The following PTPRT variants were observed in gnomAD, a reference collection of about 807,000 sequenced individuals.
The protein encoded by PTPRT is receptor-type tyrosine-protein phosphatase T.
PTPRT carries 56 observed loss-of-function variants against 176.8 expected under a neutral mutation model. The ratio of observed to expected loss-of-function variants is 0.32; its 90% CI spans 0.26 to 0.40. PTPRT has a LOEUF of 0.40. Among genes scored for constraint, PTPRT ranks in the 10% least tolerant of loss-of-function variants. The pLI, the probability that PTPRT is intolerant of heterozygous loss-of-function variation, is 1.00. For missense variants in PTPRT, 1,540 were observed against 1,908.2 expected, an observed-to-expected ratio of 0.81 and a Z score of 3.60; for synonymous variants, 783 against 739.0, an observed-to-expected ratio of 1.06 and a Z score of -0.96.
chr20:42,119,869 A>G (rs973021146), intron 20 of PTPRT, 66 bp downstream of exon 20: 3 of 1,423,218 alleles, frequency 2.1e-6, no homozygotes, highest in Non-Finnish European at 2.0e-6. Context: ...CTTGCAGTTA[A>G]GAGAGCCCTT....
chr20:42,085,159 T>C (rs961172588), intron 28 of PTPRT, among the ~76,000 whole-genome samples: 1 of 152,176 alleles, frequency 6.6e-6, no homozygotes, highest in African/African-American at 2.4e-5. Context: ...CTGAGGCTCA[T>C]GTGCCAGAAC....
intron 1 of PTPRT, among the ~76,000 whole-genome samples, chr20:43,158,102 G>A (rs1383314836): frequency 6.6e-6 from 1 of 152,196 alleles, no homozygotes; most frequent in Non-Finnish European, 1.5e-5. Flanking sequence ...AAAGAGGGTG[G>A]CTTGGCCAGG....
chr20:42,659,614 T>G (rs1462291977), intron 7 of PTPRT, among the ~76,000 whole-genome samples: 1 of 152,166 alleles, frequency 6.6e-6, no homozygotes, highest in African/African-American at 2.4e-5. Context: ...TTTGGTCAAA[T>G]GCTTTGGGGT....
chr20:42,693,041 CCTTTA>C (rs2075816550), intron 6 of PTPRT, among the ~76,000 whole-genome samples: 1 of 152,090 alleles, frequency 6.6e-6, no homozygotes. Flanking sequence ...CACTTTATGT[CCTTTA>C]CTGCATTCTG....
chr20:42,190,228 A>G (rs1405824774), intron 16 of PTPRT, among the ~76,000 whole-genome samples: 1 of 152,164 alleles, frequency 6.6e-6, no homozygotes, highest in East Asian at 1.9e-4. Context: ...TCTTTTTCAC[A>G]ATGCTCTGTT....
chr20:42,956,753 G>A (rs2146030503), intron 1 of PTPRT, among the ~76,000 whole-genome samples: 1 of 152,318 alleles, frequency 6.6e-6, no homozygotes, highest in South Asian at 2.1e-4. Flanking sequence ...GAGACAGTCA[G>A]TGTTGTTAAG....
intron 9 of PTPRT, among the ~76,000 whole-genome samples, chr20:42,424,268 C>T (rs2059144250): frequency 6.6e-6 from 1 of 152,178 alleles, no homozygotes; most frequent in Non-Finnish European, 1.5e-5. Context: ...GTCACAGGTG[C>T]ACTTTCTCTG....
chr20:42,569,247 T>C (rs767295147), intron 7 of PTPRT, among the ~76,000 whole-genome samples: 19 of 151,176 alleles, frequency 1.3e-4, no homozygotes, highest in Non-Finnish European at 2.1e-4. Flanking sequence ...GAAATGTTAG[T>C]CAAAAGTTAC....
intron 11 of PTPRT, among the ~76,000 whole-genome samples, chr20:42,350,290 A>G (rs1282803579): frequency 7.2e-6 from 1 of 138,068 alleles, no homozygotes; most frequent in Non-Finnish European, 1.5e-5. Flanking sequence ...GTGCAGTGGC[A>G]TGATCACAGT....
chr20:42,429,194 C>T (rs1047672414), intron 9 of PTPRT, among the ~76,000 whole-genome samples: 3 of 152,052 alleles, frequency 2.0e-5, no homozygotes, highest in African/African-American at 7.2e-5. Flanking sequence ...AGGGCTGAGA[C>T]AAAATGCATG....
At chr20:42,550,081 C>T (rs1266299128) in intron 7 of PTPRT, among the ~76,000 whole-genome samples, 1 of 152,066 alleles carries the variant, frequency 6.6e-6, no homozygotes, top group Non-Finnish European at 1.5e-5. Flanking sequence ...ATAGAATGAC[C>T]ACTCTGTATT....
intron 7 of PTPRT, among the ~76,000 whole-genome samples, chr20:42,631,761 AAATG>A (rs749934717): frequency 9.9e-5 from 15 of 152,252 alleles, no homozygotes; most frequent in African/African-American, 3.6e-4. Flanking sequence ...AAGCTTGTGT[AAATG>A]AATGAATGAA....
chr20:43,079,169 T>C (rs1197287349), intron 1 of PTPRT, among the ~76,000 whole-genome samples: 3 of 108,154 alleles, frequency 2.8e-5, no homozygotes, highest in Non-Finnish European at 5.4e-5. Flanking sequence ...TCTCTCTCTC[T>C]CTCTCCCTCC....
At chr20:42,473,360 C>T (rs937895635) in intron 7 of PTPRT, among the ~76,000 whole-genome samples, 1 of 151,440 alleles carries the variant, frequency 6.6e-6, no homozygotes, top group Non-Finnish European at 1.5e-5. Flanking sequence ...ATACTTTATG[C>T]ACATTAAATA....
chr20:42,304,261 G>A (rs556395575), intron 12 of PTPRT, among the ~76,000 whole-genome samples: 9 of 151,952 alleles, frequency 5.9e-5, no homozygotes, highest in African/African-American at 1.9e-4. Context: ...CTGATCCCAC[G>A]TCATGTTCAT....
At chr20:42,927,445 C>CGTAA (rs1979560530) in intron 1 of PTPRT, among the ~76,000 whole-genome samples, 1 of 152,164 alleles carries the variant, frequency 6.6e-6, no homozygotes, top group Non-Finnish European at 1.5e-5. Context: ...GCCCGTAATC[C>CGTAA]AAGCTACTTG....
intron 2 of PTPRT, among the ~76,000 whole-genome samples, chr20:42,877,375 A>T (rs2078950506): frequency 6.6e-6 from 1 of 152,170 alleles, no homozygotes; most frequent in Non-Finnish European, 1.5e-5. Flanking sequence ...AATGATGAGC[A>T]GCTGGCATCT....
chr20:42,032,672 T>C, the PTPRT span, among the ~76,000 whole-genome samples: 4 of 152,192 alleles, frequency 2.6e-5, no homozygotes, highest in African/African-American at 9.6e-5. Context: ...CTCTAATGAA[T>C]GTCATTAGTG....
At chr20:42,163,392 C>G (rs1202748075) in intron 16 of PTPRT, among the ~76,000 whole-genome samples, 2 of 152,176 alleles carry the variant, frequency 1.3e-5, no homozygotes, top group Non-Finnish European at 2.9e-5. Flanking sequence ...GCAAAACCTT[C>G]CTGACTGCAC....
Sources: allele counts gnomAD v4.1 joint callset (sites outside exome capture counted in the v4.1 genomes callset), GRCh38; gene constraint gnomAD v4.1.1; transcripts MANE v1.5; gene names NCBI Gene and HGNC (gene_info 2026-07-23, HGNC 2026-07-21).